SPATA17: variants seen among roughly 807,000 people sequenced by gnomAD.
SPATA17 encodes spermatogenesis-associated protein 17.
SPATA17 carries 53 observed loss-of-function variants against 62.2 expected under a neutral mutation model. The observed-to-expected ratio is 0.85, with a 90% CI of 0.68 to 1.07. The LOEUF (loss-of-function observed/expected upper bound fraction) is 1.07, where lower values mean the gene tolerates loss of function less well. Ranked by LOEUF, SPATA17 falls within the 50% of genes least tolerant of loss-of-function variation. The pLI is 0.00. For synonymous variants in SPATA17, 146 were observed against 146.8 expected (o/e 0.99, Z 0.04); for missense variants, 466 against 425.5 (o/e 1.10, Z -0.84).
chr1:217,697,260 C>T (rs549359144), intron 5 of SPATA17, among the ~76,000 whole-genome samples: 11 of 152,326 alleles, frequency 7.2e-5, no homozygotes, highest in Middle Eastern at 3.4e-3. Context: ...GGATTATAGG[C>T]GTGAGTCGCC....
chr1:217,651,022 A>C, intron 2 of SPATA17, 75 bp from the exon 3 acceptor site: 1 of 1,079,902 alleles, frequency 9.3e-7, no homozygotes, highest in Non-Finnish European at 1.4e-6. Context: ...GAATTGTAGG[A>C]GAGTATTTTA....
intron 5 of SPATA17, among the ~76,000 whole-genome samples, chr1:217,712,135 T>G (rs1387971792): frequency 6.7e-6 from 1 of 148,912 alleles, no homozygotes; most frequent in Non-Finnish European, 1.5e-5. Context: ...GTTCTTTTGT[T>G]TTTTTTTTTT....
At chr1:217,850,685 C>G in intron 9 of SPATA17, 1 of 1,416,366 alleles carries the variant, frequency 7.1e-7, no homozygotes, top group South Asian at 1.2e-5. Context: ...TCATGTCCAG[C>G]CACAGGAACA....
chr1:217,804,439 A>G (rs984095311), intron 9 of SPATA17, among the ~76,000 whole-genome samples: 2 of 152,222 alleles, frequency 1.3e-5, no homozygotes, highest in Admixed American at 6.5e-5. Context: ...TAAAACTACT[A>G]GAAGGAAATA....
intron 9 of SPATA17, among the ~76,000 whole-genome samples, chr1:217,814,933 G>A (rs61825834): frequency 0.037 from 5,568 of 152,214 alleles, 145 homozygotes; most frequent in Middle Eastern, 0.088. Context: ...TCTAGAATGA[G>A]AGTTAAATTC....
intron 4 of SPATA17, among the ~76,000 whole-genome samples, chr1:217,669,375 T>G (rs1670783395): frequency 6.6e-6 from 1 of 152,184 alleles, no homozygotes; most frequent in South Asian, 2.1e-4. Flanking sequence ...TTAGTTTCCA[T>G]ATATCATATA....
At chr1:217,823,328 G>A (rs1386734760) in intron 9 of SPATA17, among the ~76,000 whole-genome samples, 2 of 151,944 alleles carry the variant, frequency 1.3e-5, no homozygotes, top group African/African-American at 2.4e-5. Context: ...AACGGAATGG[G>A]TAGATATGCT....
At chr1:217,706,741 T>C (rs1671745748) in intron 5 of SPATA17, among the ~76,000 whole-genome samples, 2 of 152,174 alleles carry the variant, frequency 1.3e-5, no homozygotes, top group Non-Finnish European at 2.9e-5. Context: ...GGAATGTTTT[T>C]CCATTTGGTT....
chr1:217,855,917 G>A (rs1033747123), intron 9 of SPATA17, among the ~76,000 whole-genome samples: 1 of 151,632 alleles, frequency 6.6e-6, no homozygotes, highest in African/African-American at 2.4e-5. Context: ...AGTAGAGATG[G>A]GGTTTCACCA....
intron 9 of SPATA17, among the ~76,000 whole-genome samples, chr1:217,823,664 GT>G (rs1282669225): frequency 6.6e-6 from 1 of 151,892 alleles, no homozygotes; most frequent in Non-Finnish European, 1.5e-5. Flanking sequence ...ATATTTCTTA[GT>G]TGATTTTCTG....
intron 5 of SPATA17, among the ~76,000 whole-genome samples, chr1:217,697,136 G>A (rs898325904): frequency 2.0e-5 from 3 of 152,174 alleles, no homozygotes; most frequent in East Asian, 1.9e-4. Context: ...AGCCTCCTGC[G>A]TAGCTGGGAC....
Position 217,828,510 on chromosome 1 carries a change from CATTGGAAATG to C in SPATA17, c.1005+26664_1005+26673del, listed in dbSNP as rs776681430. Among the ~76,000 whole-genome samples, 4 of 84,328 alleles carry C rather than the reference CATTGGAAATG, an allele frequency of 4.7e-5. No homozygotes were observed. In the East Asian group the frequency reaches 9.9e-4, roughly 21 times the overall value. 55.3% of individuals were successfully genotyped at this position (84,328 alleles called of 152,430 possible). On this transcript the variant is annotated intron_variant, in intron 9 of 10. Coordinates refer to ENST00000366933, the MANE Select transcript of SPATA17 (RefSeq NM_138796.4). ...ATAGGTAGAACTTCTTTGATATTGA[CATTGGAAATG>C]ATTTTTTGAATATCACACCAAAAAA... is the stretch of plus-strand genomic sequence containing the variant.
chr1:217,682,051 T>C (rs1671096759), intron 4 of SPATA17, among the ~76,000 whole-genome samples: 1 of 152,176 alleles, frequency 6.6e-6, no homozygotes, highest in Non-Finnish European at 1.5e-5. Flanking sequence ...TTCATACAGA[T>C]ATTTAAACGG....
chr1:217,744,638 C>A (rs1196608201), intron 6 of SPATA17, among the ~76,000 whole-genome samples: 1 of 152,016 alleles, frequency 6.6e-6, no homozygotes, highest in Non-Finnish European at 1.5e-5. Flanking sequence ...CTGATAATAT[C>A]AATGTATGTA....
intron 9 of SPATA17, among the ~76,000 whole-genome samples, chr1:217,824,003 A>G (rs1010390950): frequency 2.6e-5 from 4 of 151,892 alleles, no homozygotes; most frequent in Admixed American, 6.6e-5. Flanking sequence ...AGGTAAAGTA[A>G]GTCTCTTGTA....
intron 9 of SPATA17, among the ~76,000 whole-genome samples, chr1:217,833,059 T>C (rs1675180903): frequency 6.6e-6 from 1 of 152,182 alleles, no homozygotes; most frequent in Non-Finnish European, 1.5e-5. Flanking sequence ...CAACTGCCTG[T>C]TTTTTCAATA....
intron 9 of SPATA17, among the ~76,000 whole-genome samples, chr1:217,845,905 A>T (rs994140546): frequency 5.3e-5 from 8 of 152,116 alleles, no homozygotes; most frequent in Non-Finnish European, 1.0e-4. Flanking sequence ...CTCCTCTGCC[A>T]GTTCTTCCAT....
intron 1 of SPATA17, among the ~76,000 whole-genome samples, chr1:217,645,201 A>G (rs1319675812): frequency 1.3e-5 from 2 of 152,120 alleles, no homozygotes; most frequent in African/African-American, 4.8e-5. Flanking sequence ...TCTTATTAAT[A>G]TAACATATGC....
At chr1:217,751,850 T>A (rs990937934) in intron 6 of SPATA17, among the ~76,000 whole-genome samples, 2 of 152,184 alleles carry the variant, frequency 1.3e-5, no homozygotes, top group African/African-American at 4.8e-5. Context: ...GCTCTTTCCC[T>A]TATATATTTT....
Sources: allele counts gnomAD v4.1 joint callset (sites outside exome capture counted in the v4.1 genomes callset), GRCh38; gene constraint gnomAD v4.1.1; transcripts MANE v1.5; gene names NCBI Gene and HGNC (gene_info 2026-07-23, HGNC 2026-07-21).